The following SUMF1 variants were observed in gnomAD, a reference collection of about 807,000 sequenced individuals.
SUMF1 encodes formylglycine-generating enzyme.
SUMF1 carries 48 observed loss-of-function variants against 47.6 expected under a neutral mutation model. That is an observed-to-expected ratio of 1.01 (90% CI 0.80 to 1.28). The LOEUF (loss-of-function observed/expected upper bound fraction) is 1.28. Among genes scored for constraint, SUMF1 ranks in the 50% most tolerant of loss-of-function variants. The probability of loss-of-function intolerance (pLI) is 0.00; values close to 1 mark genes in which losing one functional copy is unlikely to be tolerated. For synonymous variants in SUMF1, 230 were observed against 192.1 expected, an observed-to-expected ratio of 1.20 and a Z score of -1.63; for missense variants, 571 against 485.4, an observed-to-expected ratio of 1.18 and a Z score of -1.66.
chr3:4,268,726 G>C (rs1697247958), intron 8 of SUMF1, among the ~76,000 whole-genome samples: 1 of 151,644 alleles, frequency 6.6e-6, no homozygotes, highest in Non-Finnish European at 1.5e-5. Context: ...AAATGGCAAA[G>C]ACTGAACTTG....
chr3:4,462,661 A>C (rs2125172042), intron 1 of SUMF1, among the ~76,000 whole-genome samples: 1 of 152,312 alleles, frequency 6.6e-6, no homozygotes, highest in Non-Finnish European at 1.5e-5. Flanking sequence ...CCTTAACATT[A>C]AAAGCTAAAG....
At chr3:4,344,294 G>A (rs1215724039) in intron 8 of SUMF1, among the ~76,000 whole-genome samples, 1 of 152,180 alleles carries the variant, frequency 6.6e-6, no homozygotes, top group African/African-American at 2.4e-5. Flanking sequence ...TCAGGTCAGT[G>A]CCCCTCGAGG....
chr3:4,438,827 AT>A (rs1702485323), intron 3 of SUMF1, among the ~76,000 whole-genome samples: 1 of 152,146 alleles, frequency 6.6e-6, no homozygotes, highest in South Asian at 2.1e-4. Flanking sequence ...TGTATAGAAT[AT>A]TGCACCCAAT....
intron 8 of SUMF1, among the ~76,000 whole-genome samples, chr3:4,173,149 G>A (rs1255840303): frequency 1.3e-5 from 2 of 152,166 alleles, no homozygotes; most frequent in African/African-American, 4.8e-5. Flanking sequence ...ATTTCTCAAA[G>A]ATGAGATGGT....
intron 8 of SUMF1, among the ~76,000 whole-genome samples, chr3:4,112,305 T>C (rs1693326351): frequency 6.6e-6 from 1 of 152,166 alleles, no homozygotes; most frequent in African/African-American, 2.4e-5. Context: ...TCTTTCTTTA[T>C]ACACATGCCA....
chr3:4,131,792 T>C (rs1183392901), intron 8 of SUMF1, among the ~76,000 whole-genome samples: 4 of 152,028 alleles, frequency 2.6e-5, no homozygotes, highest in Admixed American at 6.5e-5. Context: ...CAGAAGAGGA[T>C]TTTAATAATA....
intron 6 of SUMF1, among the ~76,000 whole-genome samples, chr3:4,413,542 C>T (rs531870756): frequency 6.6e-6 from 1 of 152,144 alleles, no homozygotes; most frequent in South Asian, 2.1e-4. Flanking sequence ...TGCTATTAAA[C>T]CAATCTACTA....
At chr3:4,398,218 T>C (rs1290549909) in intron 7 of SUMF1, among the ~76,000 whole-genome samples, 2 of 152,146 alleles carry the variant, frequency 1.3e-5, no homozygotes, top group African/African-American at 4.8e-5. Context: ...TCTTTTAACA[T>C]CTGCAAGCTC....
chr3:4,291,351 C>T (rs1412622640), intron 8 of SUMF1, among the ~76,000 whole-genome samples: 1 of 152,036 alleles, frequency 6.6e-6, no homozygotes, highest in African/African-American at 2.4e-5. Flanking sequence ...CTTATTCCTG[C>T]TTGAAATCCA....
intron 2 of SUMF1, among the ~76,000 whole-genome samples, chr3:4,450,533 G>T (rs1702934345): frequency 6.6e-6 from 1 of 152,070 alleles, no homozygotes; most frequent in African/African-American, 2.4e-5. Context: ...CAACAAACAT[G>T]TATCAAACAC....
At chr3:4,287,911 G>C (rs189517034) in intron 8 of SUMF1, among the ~76,000 whole-genome samples, 66 of 152,266 alleles carry the variant, frequency 4.3e-4, no homozygotes, top group African/African-American at 1.6e-3. Flanking sequence ...TATTTTGTAA[G>C]CTTTCTGATA....
At chr3:4,060,787 T>C (rs1217212894) in intron 9 of SUMF1, among the ~76,000 whole-genome samples, 1 of 152,180 alleles carries the variant, frequency 6.6e-6, no homozygotes, top group Admixed American at 6.6e-5. Flanking sequence ...CCTAGGGTTA[T>C]GATGAGGAAT....
chr3:4,111,636 G>A (rs1313604153), intron 8 of SUMF1, among the ~76,000 whole-genome samples: 3 of 152,108 alleles, frequency 2.0e-5, no homozygotes, highest in South Asian at 2.1e-4. Flanking sequence ...TTACTCCGGA[G>A]GCTGAGGCAA....
chr3:4,266,383 G>A (rs1697195521), intron 8 of SUMF1, among the ~76,000 whole-genome samples: 1 of 152,110 alleles, frequency 6.6e-6, no homozygotes, highest in Non-Finnish European at 1.5e-5. Flanking sequence ...TCTTCCATTT[G>A]TTTGTATCCT....
At chr3:4,287,958 C>T (rs1341866428) in intron 8 of SUMF1, among the ~76,000 whole-genome samples, 2 of 152,192 alleles carry the variant, frequency 1.3e-5, no homozygotes, top group East Asian at 3.8e-4. Flanking sequence ...ACTGCTCTGA[C>T]ATCCATACTT....
intron 7 of SUMF1, among the ~76,000 whole-genome samples, chr3:4,379,774 G>A (rs1273708877): frequency 5.9e-5 from 9 of 151,348 alleles, no homozygotes; most frequent in Admixed American, 1.3e-4. Flanking sequence ...TCCGCGAGGC[G>A]GAGGTTGCAG....
At chr3:4,466,263 C>G (rs1227924770) in intron 1 of SUMF1, among the ~76,000 whole-genome samples, 2 of 152,154 alleles carry the variant, frequency 1.3e-5, no homozygotes, top group African/African-American at 4.8e-5. Context: ...AGGCGCCCGC[C>G]ACCACGCCCG....
chr3:4,171,546 G>A (rs1343082698), intron 8 of SUMF1, among the ~76,000 whole-genome samples: 2 of 152,036 alleles, frequency 1.3e-5, no homozygotes, highest in Non-Finnish European at 2.9e-5. Context: ...TTGTTTACTT[G>A]CCTGGACACT....
chr3:4,152,504 G>C (rs1245719856), intron 8 of SUMF1, among the ~76,000 whole-genome samples: 3 of 150,704 alleles, frequency 2.0e-5, no homozygotes, highest in Admixed American at 2.0e-4. Context: ...TAGTGTCCAG[G>C]CTGGTCTCAA....
Sources: allele counts gnomAD v4.1 joint callset (sites outside exome capture counted in the v4.1 genomes callset), GRCh38; gene constraint gnomAD v4.1.1; transcripts MANE v1.5; gene names NCBI Gene and HGNC (gene_info 2026-07-23, HGNC 2026-07-21).